The following SIPA1L2 variants were observed in gnomAD, a reference collection of about 807,000 sequenced individuals.
SIPA1L2 encodes the protein signal-induced proliferation-associated 1-like protein 2.
In SIPA1L2, 56 loss-of-function variants were observed where a neutral mutation model predicts 163.9. The ratio of observed to expected loss-of-function variants is 0.34; its 90% CI spans 0.28 to 0.43. The LOEUF (loss-of-function observed/expected upper bound fraction) is 0.43. Ranked by LOEUF, SIPA1L2 falls within the 20% of genes least tolerant of loss-of-function variation. The pLI is 1.00. For missense variants in SIPA1L2, 1,974 were observed against 2,193.5 expected (o/e 0.90, Z 2.00); for synonymous variants, 877 against 865.7 (o/e 1.01, Z -0.23).
chr1:232,592,448 T>C (rs901922621), intron 1 of SIPA1L2, among the ~76,000 whole-genome samples: 38 of 152,212 alleles, frequency 2.5e-4, no homozygotes, highest in African/African-American at 8.2e-4. Context: ...CCTAAAATGT[T>C]CAGATCTAAA....
chr1:232,426,171 A>G (rs144941873), intron 17 of SIPA1L2, among the ~76,000 whole-genome samples: 358 of 152,350 alleles, frequency 2.3e-3, no homozygotes, highest in African/African-American at 8.2e-3. Context: ...AAAGCTCCAC[A>G]TAATACTGGT....
At chr1:232,441,432 C>T in intron 13 of SIPA1L2, 38 bp from the exon 14 acceptor site, 2 of 1,494,442 alleles carry the variant, frequency 1.3e-6, no homozygotes, top group Non-Finnish European at 1.8e-6. Flanking sequence ...TTTCCAATTT[C>T]CAGTATTACC....
At chr1:232,615,895 A>C (rs528949848) in intron 1 of SIPA1L2, among the ~76,000 whole-genome samples, 1 of 152,348 alleles carries the variant, frequency 6.6e-6, no homozygotes, top group South Asian at 2.1e-4. Flanking sequence ...AGTCCCTAGA[A>C]CTGTGTCTGG....
Position 232,428,477 on chromosome 1 carries a change from C to T in SIPA1L2, c.4344G>A (p.Leu1448=). 1 of 1,597,852 alleles carries T rather than the reference C, an allele frequency of 6.3e-7. No homozygotes were observed. The highest frequency in any genetic ancestry group is 8.5e-7 in the Non-Finnish European group (1 of 1,173,186). The part of the protein sequence containing the change: ...GDAVAETQHV[L]SKEDFLKLML... ...TCAATTTCAGAAAATCTTCTTTAGA[C>T]AGAACATGTTGAGTCTCTGCAACAG... The change falls in exon 17 of 23, where the codon CTG becomes CTA. Residue 1448 remains leucine, a synonymous_variant. Coordinates refer to ENST00000674635, the MANE Select transcript of SIPA1L2 (RefSeq NM_020808.5).
chr1:232,581,138 T>C (rs1384435638), intron 1 of SIPA1L2, among the ~76,000 whole-genome samples: 2 of 152,158 alleles, frequency 1.3e-5, no homozygotes, highest in Non-Finnish European at 2.9e-5. Flanking sequence ...AAAGTTTCTG[T>C]CCTCCTCGTG....
At chr1:232,611,928 C>T (rs1160492278) in intron 1 of SIPA1L2, among the ~76,000 whole-genome samples, 1 of 152,184 alleles carries the variant, frequency 6.6e-6, no homozygotes, top group African/African-American at 2.4e-5. Context: ...ATCACAGGCC[C>T]AGAAACCTAG....
intron 1 of SIPA1L2, among the ~76,000 whole-genome samples, chr1:232,588,340 A>G (rs1660780614): frequency 6.6e-6 from 1 of 152,238 alleles, no homozygotes; most frequent in African/African-American, 2.4e-5. Flanking sequence ...CGAGGAAAAC[A>G]GTAAGATTAA....
At position 232,398,381 on chromosome 1, in the gene SIPA1L2, A is replaced by G. The variant is rs1212996018; in HGVS notation, c.*746T>C. ...TTTCTTTCCAGCAGAGCAACTATAC[A>G]AAAGTGAACTAAGAGTTGAAGTGAC... On this transcript the variant is annotated 3_prime_UTR_variant, in exon 23 of 23. Transcript: ENST00000674635. 6.6e-6 allele frequency: 1 copy of G among 152,632 alleles called. No homozygotes were observed. Among genetic ancestry groups the G allele is most frequent in the African/African-American group, 2.4e-5 (1 of 41,454 alleles). 9.5% of individuals were successfully genotyped at this position (152,632 alleles called of 1,614,324 possible).
intron 10 of SIPA1L2, among the ~76,000 whole-genome samples, chr1:232,451,984 G>A (rs1193981715): frequency 7.0e-6 from 1 of 142,814 alleles, no homozygotes. Context: ...ACATTCTGTA[G>A]ACCAAGAAGG....
chr1:232,516,219 T>C (rs1417224391), intron 2 of SIPA1L2, among the ~76,000 whole-genome samples: 1 of 152,224 alleles, frequency 6.6e-6, no homozygotes, highest in Non-Finnish European at 1.5e-5. Flanking sequence ...GTAGTCAAAT[T>C]AGAACTCACA....
intron 7 of SIPA1L2, among the ~76,000 whole-genome samples, chr1:232,475,069 G>A (rs910478405): frequency 6.6e-6 from 1 of 152,194 alleles, no homozygotes. Flanking sequence ...TCCAGAGAAG[G>A]TCTTTAGAAA....
chr1:232,406,118 C>G (rs1252810667), intron 19 of SIPA1L2, among the ~76,000 whole-genome samples: 2 of 152,204 alleles, frequency 1.3e-5, no homozygotes, highest in Admixed American at 1.3e-4. Flanking sequence ...TATAAAATAG[C>G]TAATCTTAGA....
At chr1:232,615,089 C>T (rs192308272) in intron 1 of SIPA1L2, among the ~76,000 whole-genome samples, 1 of 152,244 alleles carries the variant, frequency 6.6e-6, no homozygotes, top group Non-Finnish European at 1.5e-5. Context: ...TGTCTGGTAT[C>T]ATCAGAATTA....
chr1:232,492,883 A>T (rs1296809168), intron 4 of SIPA1L2, among the ~76,000 whole-genome samples: 1 of 152,152 alleles, frequency 6.6e-6, no homozygotes, highest in Non-Finnish European at 1.5e-5. Context: ...GTGAGTTAAG[A>T]CTAGGGGACT....
chr1:232,620,151 G>C lies in SIPA1L2; in HGVS notation c.-319+9718C>G, dbSNP rs925700499. On this transcript the variant is annotated intron_variant, in intron 1 of 22. Coordinates refer to ENST00000674635, the MANE Select transcript of SIPA1L2 (RefSeq NM_020808.5). The stretch of plus-strand genomic sequence containing the variant: ...GCCCGCCTCAGCCTCCCAAAGTGCT[G>C]GGATTATGGGCATGAGCCACCACGC... Among the ~76,000 whole-genome samples, 68 of 152,284 alleles carry C rather than the reference G, an allele frequency of 4.5e-4. 1 individual carries two copies. Among genetic ancestry groups the C allele is most frequent in the African/African-American group, 1.5e-3 (64 of 41,552 alleles).
chr1:232,434,644 G>A (rs766418902), intron 15 of SIPA1L2, among the ~76,000 whole-genome samples: 10 of 152,156 alleles, frequency 6.6e-5, no homozygotes, highest in Non-Finnish European at 1.0e-4. Context: ...TGGGGTGCAC[G>A]CCAGTTAGGG....
intron 1 of SIPA1L2, among the ~76,000 whole-genome samples, chr1:232,581,260 T>G (rs990963074): frequency 1.3e-5 from 2 of 152,164 alleles, no homozygotes; most frequent in Non-Finnish European, 2.9e-5. Flanking sequence ...GGTGACTAGT[T>G]CAAGGATATG....
At chr1:232,500,907 T>G (rs1666433701) in intron 3 of SIPA1L2, among the ~76,000 whole-genome samples, 1 of 152,174 alleles carries the variant, frequency 6.6e-6, no homozygotes, top group African/African-American at 2.4e-5. Context: ...GTTGTTTTAA[T>G]AAATTGTCAC....
intron 12 of SIPA1L2, among the ~76,000 whole-genome samples, chr1:232,442,376 C>T (rs1315471456): frequency 2.0e-5 from 3 of 151,538 alleles, no homozygotes; most frequent in Non-Finnish European, 4.4e-5. Flanking sequence ...GGTGAAACCT[C>T]GTCTCTACTA....
Sources: allele counts gnomAD v4.1 joint callset (sites outside exome capture counted in the v4.1 genomes callset), GRCh38; gene constraint gnomAD v4.1.1; transcripts MANE v1.5; gene names NCBI Gene and HGNC (gene_info 2026-07-23, HGNC 2026-07-21).